Variants in CEP72 observed in about 807,000 individuals in gnomAD.
The protein encoded by CEP72 is centrosomal protein of 72 kDa.
Under a neutral mutation model 65.7 loss-of-function variants are expected in CEP72, and 78 were observed. That is an observed-to-expected ratio of 1.19 (90% CI 0.99 to 1.43). The LOEUF is 1.43. Among genes scored for constraint, CEP72 ranks in the 40% most tolerant of loss-of-function variants. The pLI, the probability that CEP72 is intolerant of heterozygous loss-of-function variation, is 0.00. For synonymous variants in CEP72, 358 were observed against 351.7 expected, an observed-to-expected ratio of 1.02 and a Z score of -0.20; for missense variants, 914 against 832.9, an observed-to-expected ratio of 1.10 and a Z score of -1.20.
At chr5:658,761 C>T (rs1276709011), downstream of CEP72, among the ~76,000 whole-genome samples, 7 of 143,708 alleles carry the variant, frequency 4.9e-5, no homozygotes, top group South Asian at 2.3e-4. Flanking sequence ...CTCCGCCTCC[C>T]GGGTTCACGC....
chr5:625,594 T>C (rs151014612), intron 4 of CEP72, among the ~76,000 whole-genome samples: 2 of 152,340 alleles, frequency 1.3e-5, no homozygotes, highest in East Asian at 3.9e-4. Context: ...GTCTCCGAAA[T>C]GGCTCTGCAT....
At chr5:646,114 C>T (rs374327301) in intron 10 of CEP72, among the ~76,000 whole-genome samples, 6 of 152,200 alleles carry the variant, frequency 3.9e-5, no homozygotes, top group South Asian at 2.1e-4. Flanking sequence ...ATGGTGAATT[C>T]GGCTTCTTTC....
In CEP72 at chr5:624,525, C is replaced by A. The variant is rs1383370874; in HGVS notation, c.458C>A (p.Ser153Ter). 1.9e-6 allele frequency: 3 copies of A among 1,614,182 alleles called. No individual in the cohort carries two copies. The highest frequency in any genetic ancestry group is 2.5e-6 in the Non-Finnish European group (3 of 1,179,978). Reference protein sequence around the residue: ...ERKASRLHFASEDSLDSKESV... With the variant: ...ERKASRLHFA ...AAGGCTTCCCGACTGCATTTTGCAT[C>A]AGAGGACTCACTCGACTCCAAAGAG... is the stretch of plus-strand genomic sequence containing the variant. The change falls in exon 4 of 12, where the codon TCA becomes TAA. Residue 153 changes from serine to a stop codon, truncating the protein, a stop_gained. Transcript: ENST00000264935. LOFTEE classifies it high-confidence loss of function. This position sits in a 1 kb window ranked among gnomAD's most constrained non-coding sequence, Gnocchi z 4.7.
the CEP72 span, among the ~76,000 whole-genome samples, chr5:675,598 G>T: frequency 4.0e-5 from 6 of 151,336 alleles, no homozygotes; most frequent in South Asian, 1.0e-3. Flanking sequence ...GTGCAGCATG[G>T]GGGGTACAGT....
chr5:655,309 A>G (rs1408604357), downstream of CEP72: 2 of 152,152 alleles, frequency 1.3e-5, no homozygotes, highest in African/African-American at 2.4e-5. The surrounding 1 kb of genome is among the most constrained non-coding windows in gnomAD (Gnocchi z 5.0). Flanking sequence ...CAGTGAGCCA[A>G]GATTGCAGCA....
At chr5:629,839 C>T (rs376958573) in intron 4 of CEP72, among the ~76,000 whole-genome samples, 21 of 32,748 alleles carry the variant, frequency 6.4e-4, no homozygotes, top group South Asian at 1.7e-3. Flanking sequence ...TTCTGTCCAG[C>T]GCCGGGATTT....
At chr5:658,793 C>T (rs1453022959), downstream of CEP72, among the ~76,000 whole-genome samples, 8 of 151,110 alleles carry the variant, frequency 5.3e-5, no homozygotes, top group South Asian at 2.1e-4. Context: ...CTCAGCCTCC[C>T]GAGTAGCTGG....
the CEP72 span, chr5:676,005 C>T: frequency 3.2e-5 from 4 of 123,716 alleles, no homozygotes; most frequent in South Asian, 2.4e-4. Flanking sequence ...ATGGAGCCTC[C>T]CCTCCAGCTT....
At chr5:668,375 C>T (rs1349989049), downstream of CEP72, among the ~76,000 whole-genome samples, 8 of 102,178 alleles carry the variant, frequency 7.8e-5, no homozygotes, top group African/African-American at 1.7e-4. Context: ...GAGAGGGGTC[C>T]GCGTGGGCCT....
At chr5:627,000 GT>G (rs1269898763) in intron 4 of CEP72, among the ~76,000 whole-genome samples, 1 of 152,172 alleles carries the variant, frequency 6.6e-6, no homozygotes, top group Non-Finnish European at 1.5e-5. Context: ...CCTTTGTCTG[GT>G]TTTGGTTTTA....
At position 647,803 on chromosome 5, in the gene CEP72, A is replaced by G; in HGVS notation, c.1667-2A>G. 4 of 1,597,432 alleles carry G rather than the reference A, an allele frequency of 2.5e-6. No individual in the cohort carries two copies. The highest frequency in any genetic ancestry group is 3.4e-6 in the Non-Finnish European group (4 of 1,172,142). ...GTACTTTTTTTTTTCTTTCTCTTTC[A>G]GGACTTCAAACAAGTGTGAAGAGGC... is the stretch of plus-strand genomic sequence containing the variant. On this transcript the variant is annotated splice_acceptor_variant, in intron 10 of 11. Coordinates refer to ENST00000264935, the MANE Select transcript of CEP72 (RefSeq NM_018140.4). LOFTEE classifies it high-confidence loss of function.
Position 637,654 on chromosome 5 carries a change from C to CAGGAGGGTTTGG in CEP72, c.1043_1054dup (p.Leu351_Gly352insGluGluGlyLeu). 3.1e-6 allele frequency: 5 copies of CAGGAGGGTTTGG among 1,613,990 alleles called. No homozygotes were observed. Among genetic ancestry groups the CAGGAGGGTTTGG allele is most frequent in the Non-Finnish European group, 4.2e-6 (5 of 1,180,036 alleles). On this transcript the variant is annotated inframe_insertion, in exon 7 of 12. Transcript: ENST00000264935. The stretch of plus-strand genomic sequence containing the variant: ...TGGAAGATTCCAGACGTTTTCGGAC[C>CAGGAGGGTTTGG]AGGAGGGTTTGGGCTGCCCGGAGAG...
downstream of CEP72, among the ~76,000 whole-genome samples, chr5:669,562 C>T (rs139593159): frequency 4.0e-4 from 61 of 152,154 alleles, no homozygotes; most frequent in Non-Finnish European, 6.5e-4. Context: ...GACATGCGGA[C>T]GCCAGGCCTG....
chr5:625,155 C>G (rs1227414141), intron 4 of CEP72, among the ~76,000 whole-genome samples: 1 of 152,066 alleles, frequency 6.6e-6, no homozygotes, highest in Non-Finnish European at 1.5e-5. Context: ...GCCTGCATGT[C>G]TATGTTCGGT....
rs1737938483 is a variant in CEP72, at chr5:640,514, C to T, written c.1449C>T (p.Ser483=). 6.2e-7 allele frequency: 1 copy of T among 1,614,192 alleles called. No homozygotes were observed. The highest frequency in any genetic ancestry group is 8.5e-7 in the Non-Finnish European group (1 of 1,180,038). Reference sequence around the variant, plus strand: ...GCTCCCTGGCTCTGGAGAGTAAGTCCCTGCAAAGCCGCCTTGCTGAGCAGC... The same window carrying T: ...GCTCCCTGGCTCTGGAGAGTAAGTCTCTGCAAAGCCGCCTTGCTGAGCAGC... ...DVGSLALESK[S]LQSRLAEQQQ... Residue 483 remains serine, a synonymous_variant, in exon 9 of 12, where the codon TCC becomes TCT. Coordinates refer to ENST00000264935, the MANE Select transcript of CEP72 (RefSeq NM_018140.4).
chr5:648,588 T>G (rs374456196), intron 11 of CEP72, among the ~76,000 whole-genome samples: 5 of 83,642 alleles, frequency 6.0e-5, no homozygotes, highest in Non-Finnish European at 6.9e-5. Flanking sequence ...GACTGTGAGG[T>G]GTGACTGTGA....
At chr5:652,173 G>T (rs568514925) in intron 11 of CEP72, among the ~76,000 whole-genome samples, 14 of 152,316 alleles carry the variant, frequency 9.2e-5, no homozygotes, top group Middle Eastern at 3.4e-3. Flanking sequence ...TACAGTTGGG[G>T]GTCATTCTCC....
In CEP72 at chr5:641,190, C is replaced by T. The variant is rs567956790; in HGVS notation, c.1539+586C>T. ...TGTCTCAGCCGTGGGCTGGGGCCAC[C>T]GTCTCATCTGAGGCCTCACGGGACA... On this transcript the variant is annotated intron_variant, in intron 9 of 11. Transcript: ENST00000264935. 3.3e-4 allele frequency: 323 copies of T among 985,426 alleles called. 6 individuals are homozygous for T. In the South Asian group the frequency reaches 9.4e-3, roughly 29 times the overall value. 61.0% of individuals were successfully genotyped at this position (985,426 alleles called of 1,614,324 possible).
intron 4 of CEP72, among the ~76,000 whole-genome samples, chr5:628,485 CGTCCCTGGGG>C (rs1736916168): frequency 1.6e-5 from 1 of 61,974 alleles, no homozygotes; most frequent in African/African-American, 8.1e-5. Flanking sequence ...CTCAGGTTGC[CGTCCCTGGGG>C]AGTGTTCCCA....
Sources: allele counts gnomAD v4.1 joint callset (sites outside exome capture counted in the v4.1 genomes callset), GRCh38; gene constraint gnomAD v4.1.1; non-coding constraint Gnocchi (gnomAD v3.1); transcripts MANE v1.5; gene names NCBI Gene and HGNC (gene_info 2026-07-23, HGNC 2026-07-21).